Variants in ANKRD30BL observed in about 807,000 individuals in gnomAD.
The protein encoded by ANKRD30BL is ankyrin repeat domain 30B like.
In ANKRD30BL, 20 loss-of-function variants were observed where a neutral mutation model predicts 18.4. The ratio of observed to expected loss-of-function variants is 1.09; its 90% confidence interval spans 0.77 to 1.58. ANKRD30BL has a LOEUF of 1.58. Ranked by LOEUF, ANKRD30BL falls within the 40% of genes most tolerant of loss-of-function variation. ANKRD30BL has a pLI of 0.00. For missense variants in ANKRD30BL, 224 were observed against 268.6 expected (o/e 0.83, Z 1.16); for synonymous variants, 72 against 100.9 (o/e 0.71, Z 1.72).
At chr2:132,201,822 G>A in intron 1 of ANKRD30BL, among the ~76,000 whole-genome samples, 1 of 152,146 alleles carries the variant, frequency 6.6e-6, no homozygotes, top group Non-Finnish European at 1.5e-5. Context: ...AAATCATGCA[G>A]CTACAAAGAC....
chr2:132,240,747 G>A (rs375902234), intron 1 of ANKRD30BL, among the ~76,000 whole-genome samples: 1 of 148,558 alleles, frequency 6.7e-6, no homozygotes, highest in Non-Finnish European at 1.5e-5. Context: ...TTACCTTTCA[G>A]TTAGCAGATT....
At chr2:132,221,255 G>A (rs1218578393) in intron 1 of ANKRD30BL, among the ~76,000 whole-genome samples, 6 of 139,024 alleles carry the variant, frequency 4.3e-5, no homozygotes, top group African/African-American at 5.6e-5. Flanking sequence ...TCCTCTGCCC[G>A]GCCGCCCCTA....
chr2:132,218,733 ACT>A (rs1207462034), intron 1 of ANKRD30BL, among the ~76,000 whole-genome samples: 2 of 150,674 alleles, frequency 1.3e-5, no homozygotes, highest in Non-Finnish European at 3.0e-5. Context: ...GTTTTGAAAC[ACT>A]CTTTTAGTAA....
intron 1 of ANKRD30BL, among the ~76,000 whole-genome samples, chr2:132,195,557 G>A (rs1027133876): frequency 6.6e-6 from 1 of 151,796 alleles, no homozygotes; most frequent in Non-Finnish European, 1.5e-5. Context: ...TTGGGAGGCT[G>A]AGATGGGTAA....
intron 1 of ANKRD30BL, among the ~76,000 whole-genome samples, chr2:132,232,067 AG>A (rs1190719854): frequency 2.0e-5 from 3 of 152,184 alleles, no homozygotes; most frequent in Non-Finnish European, 4.4e-5. Context: ...ACTCCCCAGC[AG>A]GGGCACACTG....
At chr2:132,210,061 A>G (rs1679304347) in intron 1 of ANKRD30BL, among the ~76,000 whole-genome samples, 2 of 152,102 alleles carry the variant, frequency 1.3e-5, no homozygotes, top group African/African-American at 4.8e-5. Context: ...ATTCTGAGAA[A>G]CTTCTTCATG....
At chr2:132,180,664 C>CT (rs1688444911) in intron 1 of ANKRD30BL, among the ~76,000 whole-genome samples, 1 of 151,642 alleles carries the variant, frequency 6.6e-6, no homozygotes, top group African/African-American at 2.4e-5. Flanking sequence ...TGTAACTTGC[C>CT]TAAGATCACA....
At chr2:132,242,415 T>G (rs1404842606) in intron 1 of ANKRD30BL, among the ~76,000 whole-genome samples, 17 of 151,886 alleles carry the variant, frequency 1.1e-4, no homozygotes. Flanking sequence ...ATCTCTATGA[T>G]GTTTGCATTC....
intron 1 of ANKRD30BL, among the ~76,000 whole-genome samples, chr2:132,185,484 C>T (rs917613077): frequency 6.6e-6 from 1 of 152,022 alleles, no homozygotes; most frequent in Non-Finnish European, 1.5e-5. Context: ...GGAAAGAAAG[C>T]AAAAGTCTTC....
chr2:132,222,737 C>A lies in ANKRD30BL; in HGVS notation n.441+34792G>T, dbSNP rs111526148. On this transcript the variant is annotated intron_variant and non_coding_transcript_variant, in intron 1 of 4. Coordinates refer to the ANKRD30BL transcript ENST00000470729. ...GTCCTCTGCCTAGGAAAACCAGAGACCTTTGTTCACTTGTTTATCTGCTGA... is the reference window on the plus strand; with the variant it reads ...GTCCTCTGCCTAGGAAAACCAGAGAACTTTGTTCACTTGTTTATCTGCTGA... Among the ~76,000 whole-genome samples the A allele has an allele frequency of 8.4e-3, 1,228 of 146,422 alleles. 3 individuals carry two copies. Among genetic ancestry groups the A allele is most frequent in the Non-Finnish European group, 0.013 (883 of 67,022 alleles).
intron 1 of ANKRD30BL, among the ~76,000 whole-genome samples, chr2:132,197,366 T>A (rs911402002): frequency 1.3e-5 from 2 of 152,210 alleles, no homozygotes; most frequent in Non-Finnish European, 2.9e-5. Flanking sequence ...TTTTGATCTA[T>A]TCCTCTTGCT....
intron 1 of ANKRD30BL, among the ~76,000 whole-genome samples, chr2:132,204,073 TAA>T (rs1679162236): frequency 6.6e-6 from 1 of 152,246 alleles, no homozygotes; most frequent in Non-Finnish European, 1.5e-5. Flanking sequence ...GGAATTTAAA[TAA>T]GAGAAGATAT....
intron 1 of ANKRD30BL, among the ~76,000 whole-genome samples, chr2:132,209,295 T>C (rs1164710656): frequency 1.3e-5 from 2 of 151,238 alleles, no homozygotes; most frequent in Non-Finnish European, 3.0e-5. Context: ...TTTTGTAGTA[T>C]CTGCAAAGTT....
intron 1 of ANKRD30BL, among the ~76,000 whole-genome samples, chr2:132,184,837 G>A (rs1274793219): frequency 6.7e-6 from 1 of 148,162 alleles, no homozygotes; most frequent in Non-Finnish European, 1.5e-5. Flanking sequence ...TTTTTGAGAT[G>A]GAGTCTAACT....
intron 5 of ANKRD30BL, 109 bp from the exon 6 acceptor site, chr2:132,148,337 A>T (rs1573792902): frequency 4.4e-6 from 2 of 454,080 alleles, no homozygotes; most frequent in East Asian, 6.7e-5. Flanking sequence ...AATACTACCA[A>T]ACTTTTGTTT....
chr2:132,233,451 C>T (rs1680074761), intron 1 of ANKRD30BL, among the ~76,000 whole-genome samples: 1 of 140,256 alleles, frequency 7.1e-6, no homozygotes. Flanking sequence ...ATCTCATGTG[C>T]AGAGACACAC....
intron 1 of ANKRD30BL, among the ~76,000 whole-genome samples, chr2:132,221,230 C>T (rs1398224715): frequency 1.7e-3 from 223 of 131,868 alleles, no homozygotes; most frequent in Middle Eastern, 5.9e-3. Flanking sequence ...CCGCCCCGTC[C>T]GGGAGGTGAG....
upstream of ANKRD30BL, among the ~76,000 whole-genome samples, chr2:132,164,961 C>G (rs1157744345): frequency 6.6e-6 from 1 of 152,122 alleles, no homozygotes; most frequent in African/African-American, 2.4e-5. Context: ...GTAGTCCCAG[C>G]TACTTGGGAG....
chr2:132,252,346 A>G (rs1445552448), intron 1 of ANKRD30BL, among the ~76,000 whole-genome samples: 2 of 152,144 alleles, frequency 1.3e-5, no homozygotes, highest in South Asian at 4.1e-4. Flanking sequence ...CTGCCCCGAC[A>G]TGGAAGCTCC....
Sources: allele counts gnomAD v4.1 joint callset (sites outside exome capture counted in the v4.1 genomes callset), GRCh38; gene constraint gnomAD v4.1.1; transcripts MANE v1.5; gene names NCBI Gene and HGNC (gene_info 2026-07-23, HGNC 2026-07-21).